VWA8: variants seen among roughly 807,000 people sequenced by gnomAD.
VWA8 encodes the protein von Willebrand factor A domain containing 8.
VWA8 carries 221 observed loss-of-function variants against 241.5 expected under a neutral mutation model. That is an observed-to-expected ratio of 0.91 (90% CI 0.82 to 1.02). The LOEUF is 1.02. VWA8 is among the 50% of genes least tolerant of loss of function. VWA8 has a pLI of 0.00. For synonymous variants in VWA8, 852 were observed against 827.1 expected, an observed-to-expected ratio of 1.03 and a Z score of -0.52; for missense variants, 2,322 against 2,328.7, an observed-to-expected ratio of 1.00 and a Z score of 0.06.
intron 42 of VWA8, among the ~76,000 whole-genome samples, chr13:41,581,968 A>G (rs1362427097): frequency 6.6e-6 from 1 of 152,228 alleles, no homozygotes; most frequent in Non-Finnish European, 1.5e-5. Flanking sequence ...GGTTCACAAA[A>G]ACAGTACTAT....
At chr13:41,569,775 T>C (rs1172714612) in intron 44 of VWA8, among the ~76,000 whole-genome samples, 1 of 152,196 alleles carries the variant, frequency 6.6e-6, no homozygotes, top group East Asian at 1.9e-4. Flanking sequence ...GTTCAAGTTA[T>C]GAAAGTGTTT....
At chr13:41,945,805 G>C (rs552651793) in intron 2 of VWA8, among the ~76,000 whole-genome samples, 115 of 152,058 alleles carry the variant, frequency 7.6e-4, no homozygotes, top group South Asian at 6.2e-4. Flanking sequence ...AAATATAATG[G>C]GAGTCCTCGA....
chr13:41,769,536 T>C (rs1227975445), intron 20 of VWA8, among the ~76,000 whole-genome samples: 1 of 152,222 alleles, frequency 6.6e-6, no homozygotes, highest in Non-Finnish European at 1.5e-5. Context: ...AAATGTCCTT[T>C]ACTTAGTATG....
At chr13:41,580,214 C>T (rs2044374105) in intron 42 of VWA8, among the ~76,000 whole-genome samples, 1 of 152,126 alleles carries the variant, frequency 6.6e-6, no homozygotes, top group South Asian at 2.1e-4. Flanking sequence ...CCCATCTCTA[C>T]TTGTTTTTGA....
Position 41,865,931 on chromosome 13 carries a change from C to A in VWA8, c.1318G>T (p.Val440Phe). ...LQAEMMQSHM[V>F]KDICLIGGKG... ...CCTCCAATTAAACATATATCTTTAA[C>A]CATGTGAGACTGCATCATTTCAGCC... is the stretch of plus-strand genomic sequence containing the variant. Residue 440 changes from valine (V) to phenylalanine (F), a missense_variant, in exon 11 of 45, where the codon GTT (valine) becomes TTT (phenylalanine). Transcript: ENST00000379310. 3 of 1,614,220 alleles carry A rather than the reference C, an allele frequency of 1.9e-6. No homozygotes were observed. The highest frequency in any genetic ancestry group is 2.5e-6 in the Non-Finnish European group (3 of 1,180,038).
intron 21 of VWA8, among the ~76,000 whole-genome samples, chr13:41,744,538 T>G (rs2045590036): frequency 6.6e-6 from 1 of 152,206 alleles, no homozygotes; most frequent in African/African-American, 2.4e-5. Flanking sequence ...ACTGTTGCCA[T>G]CATCTGAAGA....
Position 41,807,036 on chromosome 13 carries a change from G to C in VWA8, c.2063+4189C>G, listed in dbSNP as rs549303575. ...AGAACTGTTACCACAGAAATACAAA[G>C]GATCATTAGAAGCTACCATGAGAAA... On this transcript the variant is annotated intron_variant, in intron 17 of 44. Coordinates refer to ENST00000379310, the MANE Select transcript of VWA8 (RefSeq NM_015058.2). Among the ~76,000 whole-genome samples the C allele has an allele frequency of 3.9e-4, 59 of 152,194 alleles. No homozygotes were observed. In the South Asian group the frequency reaches 0.012, roughly 30 times the overall value.
In VWA8 at chr13:41,739,842, TTTTTTGTTTTTTTTG is replaced by T. The variant is rs577549150; in HGVS notation, c.2427-7702_2427-7688del. 6.1e-3 allele frequency among the ~76,000 whole-genome samples: 338 copies of T among 55,486 alleles called. 4 individuals are homozygous for T. Among genetic ancestry groups the T allele is most frequent in the African/African-American group, 0.018 (325 of 17,698 alleles). The allele number at this position is 55,486 out of a possible 152,430, so 36.4% of individuals were successfully genotyped here. A position where few individuals can be genotyped will look rare whatever the true frequency, so the allele number is the denominator to read the frequency against. ...TTGTTTTTTTGTTTTTTTTTTTGTT[TTTTTTGTTTTTTTTG>T]TTTTTTTTTTTTTTTGAGACAGAGT... is the stretch of plus-strand genomic sequence containing the variant. On this transcript the variant is annotated intron_variant, in intron 21 of 44. Coordinates refer to ENST00000379310, the MANE Select transcript of VWA8 (RefSeq NM_015058.2).
At chr13:41,889,474 G>C (rs1486852170) in intron 5 of VWA8, among the ~76,000 whole-genome samples, 1 of 151,858 alleles carries the variant, frequency 6.6e-6, no homozygotes, top group South Asian at 2.1e-4. Context: ...AGCCTCCTGG[G>C]TTCAAGCGAT....
At chr13:41,614,142 A>T (rs2044606533) in intron 38 of VWA8, among the ~76,000 whole-genome samples, 1 of 152,226 alleles carries the variant, frequency 6.6e-6, no homozygotes, top group South Asian at 2.1e-4. Flanking sequence ...CTGATGCTTG[A>T]TGAATAAACA....
chr13:41,779,974 A>G (rs966778514), intron 19 of VWA8, among the ~76,000 whole-genome samples: 11 of 152,100 alleles, frequency 7.2e-5, no homozygotes, highest in South Asian at 2.1e-4. Flanking sequence ...CAATTTCTTA[A>G]AAGTCTCCTC....
chr13:41,784,727 T>C (rs9566849), intron 18 of VWA8, among the ~76,000 whole-genome samples: 18,091 of 68,548 alleles, frequency 0.26, 2,919 homozygotes, highest in East Asian at 0.47. Flanking sequence ...TATATATATA[T>C]ATACACACAC....
chr13:41,910,583 CAAAAAAAACAAAA>C (rs1875944481), intron 3 of VWA8, among the ~76,000 whole-genome samples: 1 of 130,668 alleles, frequency 7.7e-6, no homozygotes, highest in Admixed American at 7.8e-5. Flanking sequence ...GACTCCATCT[CAAAAAAAACAAAA>C]AAAAAAAACA....
At chr13:41,729,926 T>C (rs1328977792) in intron 22 of VWA8, among the ~76,000 whole-genome samples, 4 of 152,040 alleles carry the variant, frequency 2.6e-5, no homozygotes, top group Non-Finnish European at 5.9e-5. Flanking sequence ...CAGTTATCTT[T>C]TTATTTCATT....
At chr13:41,956,098 T>C (rs984098565) in intron 1 of VWA8, among the ~76,000 whole-genome samples, 2 of 152,192 alleles carry the variant, frequency 1.3e-5, no homozygotes, top group East Asian at 3.8e-4. Context: ...GTTGGTTTCA[T>C]GAGGGTTTTT....
intron 37 of VWA8, among the ~76,000 whole-genome samples, chr13:41,642,451 C>G (rs531306202): frequency 6.6e-6 from 1 of 150,544 alleles, no homozygotes; most frequent in Non-Finnish European, 1.5e-5. Flanking sequence ...CCCAGCTACT[C>G]GGGAGGCTGA....
intron 42 of VWA8, among the ~76,000 whole-genome samples, chr13:41,578,624 C>T (rs747498200): frequency 6.6e-6 from 1 of 152,152 alleles, no homozygotes; most frequent in East Asian, 1.9e-4. Flanking sequence ...CTACGATGAT[C>T]GTGAAATCCA....
chr13:41,756,694 G>A (rs1210732428), intron 21 of VWA8, among the ~76,000 whole-genome samples: 5 of 151,448 alleles, frequency 3.3e-5, no homozygotes, highest in Admixed American at 2.6e-4. Context: ...CTCTTTTCTG[G>A]AGTATAAATT....
intron 4 of VWA8, among the ~76,000 whole-genome samples, chr13:41,898,765 G>A (rs1441939941): frequency 6.6e-6 from 1 of 151,350 alleles, no homozygotes; most frequent in Non-Finnish European, 1.5e-5. Flanking sequence ...CGAGCGCAGC[G>A]CCGGTGGGCT....
Sources: allele counts gnomAD v4.1 joint callset (sites outside exome capture counted in the v4.1 genomes callset), GRCh38; gene constraint gnomAD v4.1.1; transcripts MANE v1.5; gene names NCBI Gene and HGNC (gene_info 2026-07-23, HGNC 2026-07-21).